Variants in IPCEF1 observed in about 807,000 individuals in gnomAD.
The protein encoded by IPCEF1 is interaction protein for cytohesin exchange factors 1, also known as interactor protein for cytohesin exchange factors 1.
IPCEF1 carries 31 observed loss-of-function variants against 50.9 expected under a neutral mutation model. That is an observed-to-expected ratio of 0.61 (90% CI 0.46 to 0.82). The LOEUF (loss-of-function observed/expected upper bound fraction) is 0.82. IPCEF1 is among the 40% of genes least tolerant of loss of function. The probability of loss-of-function intolerance (pLI) is 0.00; values close to 1 mark genes in which losing one functional copy is unlikely to be tolerated. For synonymous variants in IPCEF1, 181 were observed against 192.0 expected (o/e 0.94, Z 0.47); for missense variants, 458 against 514.0 (o/e 0.89, Z 1.05).
chr6:154,349,296 A>T (rs1665531585), intron 1 of IPCEF1, among the ~76,000 whole-genome samples: 1 of 151,768 alleles, frequency 6.6e-6, no homozygotes, highest in African/African-American at 2.4e-5. Flanking sequence ...GGCTCAAGTG[A>T]TCCTCCTGCC....
At chr6:154,186,293 T>TAATA (rs1801335945) in intron 10 of IPCEF1, among the ~76,000 whole-genome samples, 1 of 152,280 alleles carries the variant, frequency 6.6e-6, no homozygotes, top group African/African-American at 2.4e-5. Flanking sequence ...ACAACTCTAT[T>TAATA]ATTTTAGTCA....
chr6:154,196,090 C>T (rs1184360079), intron 10 of IPCEF1, among the ~76,000 whole-genome samples: 1 of 152,000 alleles, frequency 6.6e-6, no homozygotes, highest in East Asian at 1.9e-4. Flanking sequence ...CTGCCCAGTC[C>T]CCCTGGTTCA....
At chr6:154,252,932 T>G (rs1359658708) in intron 3 of IPCEF1, among the ~76,000 whole-genome samples, 1 of 152,236 alleles carries the variant, frequency 6.6e-6, no homozygotes, top group Non-Finnish European at 1.5e-5. Context: ...CAAGCTTCTG[T>G]GCTTAAACCC....
At chr6:154,261,796 C>T (rs1183425516) in intron 3 of IPCEF1, among the ~76,000 whole-genome samples, 1 of 152,068 alleles carries the variant, frequency 6.6e-6, no homozygotes, top group Non-Finnish European at 1.5e-5. Flanking sequence ...AACGAAAGGA[C>T]CTTAAAGGTA....
At chr6:154,352,923 T>G (rs1025181828) in intron 1 of IPCEF1, among the ~76,000 whole-genome samples, 3 of 152,248 alleles carry the variant, frequency 2.0e-5, no homozygotes. Context: ...AACTTATAAT[T>G]AATAACTGAC....
chr6:154,171,147 A>T (rs1207043195), intron 10 of IPCEF1, among the ~76,000 whole-genome samples: 1 of 152,232 alleles, frequency 6.6e-6, no homozygotes, highest in African/African-American at 2.4e-5. Flanking sequence ...ACATATATTC[A>T]CACAAAAATT....
At chr6:154,206,883 T>C (rs1777542636) in intron 9 of IPCEF1, among the ~76,000 whole-genome samples, 1 of 152,142 alleles carries the variant, frequency 6.6e-6, no homozygotes, top group African/African-American at 2.4e-5. Context: ...AAGGGCAAAA[T>C]TGGCAGCAAG....
At chr6:154,287,444 T>C (rs1028619356) in intron 2 of IPCEF1, among the ~76,000 whole-genome samples, 1 of 152,224 alleles carries the variant, frequency 6.6e-6, no homozygotes, top group African/African-American at 2.4e-5. Flanking sequence ...TATATTCATA[T>C]TAACTCATTA....
chr6:154,188,309 T>C (rs758097683), intron 10 of IPCEF1, among the ~76,000 whole-genome samples: 2 of 152,214 alleles, frequency 1.3e-5, no homozygotes, highest in Non-Finnish European at 2.9e-5. Flanking sequence ...TCAAGACTTT[T>C]CATAGAAAAT....
chr6:154,263,954 C>T (rs13199219), intron 3 of IPCEF1, among the ~76,000 whole-genome samples: 5,755 of 125,414 alleles, frequency 0.046, 392 homozygotes, highest in African/African-American at 0.094. Flanking sequence ...GGCGGCCGGG[C>T]AGAGGCGCCC....
At chr6:154,255,454 G>C (rs1753756408) in intron 3 of IPCEF1, among the ~76,000 whole-genome samples, 1 of 152,018 alleles carries the variant, frequency 6.6e-6, no homozygotes, top group South Asian at 2.1e-4. Flanking sequence ...CTCTCTTAAG[G>C]CATTCTCATC....
At chr6:154,223,036 A>G in intron 6 of IPCEF1, 134 bp downstream of exon 6, 1 of 730,588 alleles carries the variant, frequency 1.4e-6, no homozygotes, top group Admixed American at 2.1e-5. Context: ...TAGGGTGCCA[A>G]CCCATAATGC....
At chr6:154,228,243 A>T (rs1057020246) in intron 5 of IPCEF1, among the ~76,000 whole-genome samples, 1 of 152,038 alleles carries the variant, frequency 6.6e-6, no homozygotes, top group East Asian at 1.9e-4. Context: ...AGGCAGAAAG[A>T]TCACTTGAGC....
intron 1 of IPCEF1, among the ~76,000 whole-genome samples, chr6:154,344,592 A>G (rs894842311): frequency 6.6e-6 from 1 of 152,204 alleles, no homozygotes; most frequent in African/African-American, 2.4e-5. Context: ...CCTGTGGTCC[A>G]GGATTCTTCC....
At chr6:154,216,619 C>G (rs1284193321) in intron 7 of IPCEF1, among the ~76,000 whole-genome samples, 1 of 152,140 alleles carries the variant, frequency 6.6e-6, no homozygotes, top group African/African-American at 2.4e-5. Context: ...CCTGTAATCC[C>G]AGCACTTTGG....
chr6:154,355,864 G>C (rs1185103814), intron 1 of IPCEF1, among the ~76,000 whole-genome samples: 1 of 150,970 alleles, frequency 6.6e-6, no homozygotes, highest in Non-Finnish European at 1.5e-5. Flanking sequence ...TTGCCCCCAG[G>C]CTGGTCTCAA....
intron 1 of IPCEF1, among the ~76,000 whole-genome samples, chr6:154,355,215 T>C (rs1784195669): frequency 1.3e-5 from 2 of 152,182 alleles, no homozygotes; most frequent in South Asian, 2.1e-4. Flanking sequence ...TTATCTCTTA[T>C]TGCCACAGCA....
intron 9 of IPCEF1, among the ~76,000 whole-genome samples, chr6:154,200,275 T>G (rs2128591711): frequency 6.6e-6 from 1 of 152,354 alleles, no homozygotes; most frequent in African/African-American, 2.4e-5. Flanking sequence ...CTGAAAAATC[T>G]CCTTATCATG....
chr6:154,160,111 A>C, intron 11 of IPCEF1, 71 bp from the exon 12 acceptor site: 1 of 1,204,834 alleles, frequency 8.3e-7, no homozygotes, highest in Non-Finnish European at 1.2e-6. Context: ...CATCTTTACC[A>C]ACTCTTTTAC....
Sources: allele counts gnomAD v4.1 joint callset (sites outside exome capture counted in the v4.1 genomes callset), GRCh38; gene constraint gnomAD v4.1.1; transcripts MANE v1.5; gene names NCBI Gene and HGNC (gene_info 2026-07-23, HGNC 2026-07-21).